PLPPR1: variants seen among roughly 807,000 people sequenced by gnomAD.
PLPPR1 encodes the protein phospholipid phosphatase-related protein type 1.
PLPPR1 carries 10 observed loss-of-function variants against 33.1 expected under a neutral mutation model. The ratio of observed to expected loss-of-function variants is 0.30; its 90% CI spans 0.19 to 0.51. The LOEUF (loss-of-function observed/expected upper bound fraction) is 0.51, where lower values mean the gene tolerates loss of function less well. PLPPR1 is among the 20% of genes least tolerant of loss of function. PLPPR1 has a pLI of 0.97. For synonymous variants in PLPPR1, 151 were observed against 151.0 expected (o/e 1.00, Z 0.00); for missense variants, 304 against 408.1 (o/e 0.74, Z 2.20).
At chr9:101,194,778 G>A (rs1381680088) in intron 2 of PLPPR1, among the ~76,000 whole-genome samples, 1 of 147,632 alleles carries the variant, frequency 6.8e-6, no homozygotes, top group African/African-American at 2.5e-5. Context: ...AAGTTAAAAC[G>A]CTGAGTGCAA....
intron 4 of PLPPR1, among the ~76,000 whole-genome samples, chr9:101,307,105 G>A (rs963068211): frequency 6.6e-6 from 1 of 152,182 alleles, no homozygotes; most frequent in Non-Finnish European, 1.5e-5. Flanking sequence ...GACAGCGGAT[G>A]CTCCTGAAGC....
chr9:101,188,321 A>G (rs944779250), intron 2 of PLPPR1, among the ~76,000 whole-genome samples: 1 of 152,110 alleles, frequency 6.6e-6, no homozygotes, highest in Non-Finnish European at 1.5e-5. Context: ...CTGCTGCATT[A>G]TAGAAGCAAC....
At chr9:101,155,110 T>TA (rs71356336) in intron 1 of PLPPR1, among the ~76,000 whole-genome samples, 68,262 of 149,550 alleles carry the variant, frequency 0.46, 15,811 homozygotes, top group Non-Finnish European at 0.51. Context: ...TAAAGTATAA[T>TA]AAAAAAAAAA....
chr9:101,077,482 T>C (rs1003144556), intron 1 of PLPPR1, among the ~76,000 whole-genome samples: 2 of 152,258 alleles, frequency 1.3e-5, no homozygotes, highest in African/African-American at 4.8e-5. Flanking sequence ...CAAATAGTTA[T>C]GCATTCAAAT....
intron 1 of PLPPR1, among the ~76,000 whole-genome samples, chr9:101,153,559 T>G (rs1190847482): frequency 6.6e-6 from 1 of 152,128 alleles, no homozygotes; most frequent in Non-Finnish European, 1.5e-5. Flanking sequence ...TATTTTGAGA[T>G]ATGTCCCATC....
chr9:101,092,470 G>T (rs118096185), intron 1 of PLPPR1, among the ~76,000 whole-genome samples: 1,878 of 152,170 alleles, frequency 0.012, 34 homozygotes, highest in Middle Eastern at 0.031. Flanking sequence ...GTGAATAAGG[G>T]TATCACCATA....
intron 1 of PLPPR1, among the ~76,000 whole-genome samples, chr9:101,141,541 T>A (rs1216566808): frequency 1.3e-5 from 2 of 152,166 alleles, no homozygotes; most frequent in Admixed American, 1.3e-4. Context: ...TTCTTAACAA[T>A]AATGGTGAAT....
intron 6 of PLPPR1, among the ~76,000 whole-genome samples, chr9:101,315,522 T>C (rs796919758): frequency 3.2e-4 from 49 of 152,330 alleles, no homozygotes; most frequent in African/African-American, 1.2e-3. Context: ...AACGTTAAAC[T>C]TGTTTTCTCT....
At chr9:101,301,615 C>T (rs1828754390) in intron 4 of PLPPR1, among the ~76,000 whole-genome samples, 1 of 152,180 alleles carries the variant, frequency 6.6e-6, no homozygotes, top group Non-Finnish European at 1.5e-5. Context: ...AAGACTACAG[C>T]ATTGCTCTGT....
At chr9:101,172,566 C>T (rs1245850419) in intron 1 of PLPPR1, among the ~76,000 whole-genome samples, 3 of 152,066 alleles carry the variant, frequency 2.0e-5, no homozygotes, top group African/African-American at 7.2e-5. Flanking sequence ...TACTCTAATT[C>T]TCTTAGACGG....
intron 1 of PLPPR1, among the ~76,000 whole-genome samples, chr9:101,039,699 G>A (rs183537252): frequency 4.3e-4 from 65 of 152,162 alleles, no homozygotes; most frequent in African/African-American, 1.4e-3. Context: ...CACATCTTAC[G>A]TGGATGGTGG....
intron 2 of PLPPR1, among the ~76,000 whole-genome samples, chr9:101,238,138 CACACATATAT>C (rs1827357504): frequency 7.4e-6 from 1 of 136,044 alleles, no homozygotes; most frequent in Non-Finnish European, 1.6e-5. Flanking sequence ...TATACATATA[CACACATATAT>C]ATACATATAC....
At chr9:101,161,894 T>C (rs1224552584) in intron 1 of PLPPR1, among the ~76,000 whole-genome samples, 2 of 152,114 alleles carry the variant, frequency 1.3e-5, no homozygotes, top group Non-Finnish European at 1.5e-5. Context: ...TTAGACTAAA[T>C]ATTTCAATAT....
chr9:101,300,127 C>T (rs1216077714), intron 4 of PLPPR1, among the ~76,000 whole-genome samples: 1 of 152,040 alleles, frequency 6.6e-6, no homozygotes, highest in Non-Finnish European at 1.5e-5. Context: ...AGTTTCAAAG[C>T]TTTCTATAAT....
intron 2 of PLPPR1, among the ~76,000 whole-genome samples, chr9:101,207,649 C>G (rs1797444115): frequency 6.6e-6 from 1 of 152,134 alleles, no homozygotes; most frequent in Admixed American, 6.6e-5. Flanking sequence ...CCGTGGAAAA[C>G]AAACCCATCA....
At chr9:101,233,633 G>C (rs1827235260) in intron 2 of PLPPR1, among the ~76,000 whole-genome samples, 1 of 151,914 alleles carries the variant, frequency 6.6e-6, no homozygotes, top group Non-Finnish European at 1.5e-5. Context: ...GCCCTCTCTT[G>C]CTATTGCTCT....
intron 2 of PLPPR1, among the ~76,000 whole-genome samples, chr9:101,202,476 C>T (rs1826512658): frequency 6.6e-6 from 1 of 152,192 alleles, no homozygotes; most frequent in African/African-American, 2.4e-5. Flanking sequence ...TCATTTCCAT[C>T]TTCATATCCC....
At chr9:101,254,639 C>T (rs1827767644) in intron 2 of PLPPR1, among the ~76,000 whole-genome samples, 2 of 152,068 alleles carry the variant, frequency 1.3e-5, no homozygotes, top group Admixed American at 6.6e-5. Context: ...TGCTAATATC[C>T]ACTTTGTAAA....
rs141711537 is a variant in PLPPR1, at chr9:101,201,071, G to A, written c.63+15514G>A. ...CGGTTCTGGGGACTGGGAATTCCAC[G>A]GTCAAGCTTGTCTGGTAAGGGCTGC... is the stretch of plus-strand genomic sequence containing the variant. On this transcript the variant is annotated intron_variant, in intron 2 of 7. Transcript: ENST00000374874. Among the ~76,000 whole-genome samples the A allele has an allele frequency of 8.8e-4, 134 of 152,260 alleles. 1 individual carries two copies. Among genetic ancestry groups the A allele is most frequent in the South Asian group, 2.1e-3 (10 of 4,828 alleles).
Sources: allele counts gnomAD v4.1 joint callset (sites outside exome capture counted in the v4.1 genomes callset), GRCh38; gene constraint gnomAD v4.1.1; transcripts MANE v1.5; gene names NCBI Gene and HGNC (gene_info 2026-07-23, HGNC 2026-07-21).